Variants in DGKE observed in about 807,000 individuals in gnomAD.
The protein encoded by DGKE is diacylglycerol kinase epsilon, also known as DAG kinase epsilon.
Under a neutral mutation model 70.0 loss-of-function variants are expected in DGKE, and 53 were observed. The observed-to-expected ratio is 0.76, with a 90% CI of 0.61 to 0.95. DGKE has a LOEUF of 0.95. Ranked by LOEUF, DGKE falls within the 40% of genes least tolerant of loss-of-function variation. The probability of loss-of-function intolerance (pLI) is 0.00; values close to 1 mark genes in which losing one functional copy is unlikely to be tolerated. For synonymous variants in DGKE, 291 were observed against 257.0 expected, an observed-to-expected ratio of 1.13 and a Z score of -1.27; for missense variants, 655 against 706.9, an observed-to-expected ratio of 0.93 and a Z score of 0.83.
In DGKE at chr17:56,835,189, G is replaced by A. The variant is rs1270507707; in HGVS notation, c.394G>A (p.Val132Met). 5 of 1,613,882 alleles carry A rather than the reference G, an allele frequency of 3.1e-6. No individual in the cohort carries two copies. In the East Asian group the frequency reaches 8.9e-5, roughly 29 times the overall value. ...GCCCCACCACTGGATCCGGGGCAAC[G>A]TGCCCCTGTGCAGTTACTGTATGGT... ...AMPHHWIRGNVPLCSYCMVCK... is the reference protein window; with the variant it reads ...AMPHHWIRGNMPLCSYCMVCK... Residue 132 changes from valine (V) to methionine (M), a missense_variant, in exon 2 of 12, where the codon GTG becomes ATG. Transcript: ENST00000284061.
intron 3 of DGKE, 71 bp from the exon 4 acceptor site, chr17:56,845,619 C>A: frequency 2.7e-6 from 4 of 1,481,270 alleles, no homozygotes; most frequent in South Asian, 1.4e-5. Flanking sequence ...CACCATTGTT[C>A]TCAAGGCATG....
At chr17:56,835,282 C>G (rs371972116) in intron 2 of DGKE, 23 bp downstream of exon 2, 101 of 1,588,056 alleles carry the variant, frequency 6.4e-5, no homozygotes, top group Non-Finnish European at 2.4e-5. Context: ...TGGACACTCA[C>G]TGTCCCAGAA....
chr17:56,854,560 G>A (rs1426775525), intron 7 of DGKE, among the ~76,000 whole-genome samples: 1 of 151,910 alleles, frequency 6.6e-6, no homozygotes, highest in Non-Finnish European at 1.5e-5. Flanking sequence ...AGCAGTCCAC[G>A]CCCCTCAGCC....
chr17:56,862,328 T>TAA, intron 11 of DGKE, 77 bp downstream of exon 11: 2 of 1,355,728 alleles, frequency 1.5e-6, no homozygotes, highest in Non-Finnish European at 1.0e-6. Context: ...ATATACATGC[T>TAA]ATACTTTTCT....
Position 56,862,664 on chromosome 17 carries a change from C to T in DGKE, c.1577C>T (p.Ala526Val). 2 of 1,596,342 alleles carry T rather than the reference C, an allele frequency of 1.3e-6. No individual in the cohort carries two copies. Among genetic ancestry groups the T allele is most frequent in the Non-Finnish European group, 1.7e-6 (2 of 1,174,888 alleles). The change falls in exon 12 of 12, where the codon GCC becomes GTC. Residue 526 changes from alanine (A) to valine (V), a missense_variant. Transcript: ENST00000284061. ...ATGCAGGTGGATGGGGAGCCTTGGG[C>T]CCAAGGGCCCTGCACTGTCACCATA... ...MPMQVDGEPW[A>V]QGPCTVTITH...
rs185732997 is a variant in DGKE at position 56,842,547 on chromosome 17, A to G, written c.465-1472A>G. On this transcript the variant is annotated intron_variant, in intron 2 of 11. Coordinates refer to ENST00000284061, the MANE Select transcript of DGKE (RefSeq NM_003647.3). ...TATAGTTTCTCAAGTTGAGTTTAAA[A>G]TTAACAAATGTGATTATGCAAATTA... Among the ~76,000 whole-genome samples the G allele has an allele frequency of 3.9e-5, 6 of 152,356 alleles. No homozygotes were observed. The East Asian group carries it at 9.6e-4, about 24-fold the overall frequency.
At chr17:56,850,915 C>T (rs4794671) in intron 7 of DGKE, among the ~76,000 whole-genome samples, 107,920 of 151,988 alleles carry the variant, frequency 0.71, 38,714 homozygotes, top group East Asian at 0.91. Flanking sequence ...TGCAGGTGTG[C>T]TTAGTTCTGC....
chr17:56,848,891 T>G (rs569749387), intron 6 of DGKE, 38 bp downstream of exon 6: 2 of 1,613,072 alleles, frequency 1.2e-6, no homozygotes, highest in East Asian at 4.5e-5. Flanking sequence ...TTTCTTGAGA[T>G]TTAGCCATAA....
At position 56,863,599 on chromosome 17, in the gene DGKE, C is replaced by CA. The variant is rs1403565230; in HGVS notation, c.*814dup. 2.0e-5 allele frequency: 3 copies of CA among 152,090 alleles called. No individual in the cohort carries two copies. Among genetic ancestry groups the CA allele is most frequent in the Admixed American group, 1.3e-4 (2 of 15,276 alleles). 9.4% of individuals were successfully genotyped at this position (152,090 alleles called of 1,614,324 possible). A position where few individuals can be genotyped will look rare whatever the true frequency, so the allele number is the denominator to read the frequency against. The stretch of plus-strand genomic sequence containing the variant: ...TTATTAAAAGACAGTGTCAACACTT[C>CA]AAAAAACGTGCTTAAAGGAGACAAC... On this transcript the variant is annotated 3_prime_UTR_variant, in exon 12 of 12. Coordinates refer to ENST00000284061, the MANE Select transcript of DGKE (RefSeq NM_003647.3).
At chr17:56,858,886 AAAG>A (rs1338655053) in intron 9 of DGKE, among the ~76,000 whole-genome samples, 1 of 152,238 alleles carries the variant, frequency 6.6e-6, no homozygotes, top group Non-Finnish European at 1.5e-5. Flanking sequence ...ATTATGCAGA[AAAG>A]AAAACTATTT....
chr17:56,858,216 C>T (rs1289781673), intron 8 of DGKE, among the ~76,000 whole-genome samples: 2 of 152,166 alleles, frequency 1.3e-5, no homozygotes, highest in Non-Finnish European at 2.9e-5. Context: ...TACTGTACCA[C>T]AGTTCACCTA....
intron 9 of DGKE, among the ~76,000 whole-genome samples, chr17:56,859,039 A>G (rs528635816): frequency 2.9e-4 from 44 of 152,278 alleles, no homozygotes; most frequent in African/African-American, 1.1e-3. Flanking sequence ...TAAATAATTT[A>G]CAGTTATCTA....
chr17:56,838,259 T>C (rs974733176), intron 2 of DGKE, among the ~76,000 whole-genome samples: 3 of 152,230 alleles, frequency 2.0e-5, no homozygotes, highest in African/African-American at 7.2e-5. Context: ...TCAGCTTTGA[T>C]CATAAATTTT....
At chr17:56,847,158 G>C (rs1030973032) in intron 4 of DGKE, among the ~76,000 whole-genome samples, 1 of 151,792 alleles carries the variant, frequency 6.6e-6, no homozygotes, top group African/African-American at 2.4e-5. Context: ...AAAGTTACTT[G>C]CATTTTTATG....
In DGKE at chr17:56,835,396, C is replaced by T. The variant is rs370071276; in HGVS notation, c.464+137C>T. The stretch of plus-strand genomic sequence containing the variant: ...AGGAAACAAGCTAATAAATAAACAT[C>T]CCTGAGTTTGTGCAAGCGTGGCAGC... On this transcript the variant is annotated intron_variant, in intron 2 of 11. Transcript: ENST00000284061. The T allele has an allele frequency of 1.6e-4, 149 of 937,498 alleles. No individual in the cohort carries two copies. In the African/African-American group the frequency reaches 2.2e-3, roughly 14 times the overall value. The allele number at this position is 937,498 out of a possible 1,614,324, so 58.1% of individuals were successfully genotyped here.
chr17:56,845,831 T>C (rs141790820), intron 4 of DGKE, 22 bp downstream of exon 4: 14 of 1,568,722 alleles, frequency 8.9e-6, no homozygotes, highest in African/African-American at 2.8e-5. Context: ...AAAAAACTTT[T>C]TATATTAATG....
At position 56,866,558 on chromosome 17, in the gene DGKE, G is replaced by A. The variant is rs1908532615; in HGVS notation, c.*3767G>A. 6.6e-6 allele frequency: 1 copy of A among 152,178 alleles called. No individual in the cohort carries two copies. The highest frequency in any genetic ancestry group is 2.4e-5 in the African/African-American group (1 of 41,438). The allele number at this position is 152,178 out of a possible 1,614,324, so 9.4% of individuals were successfully genotyped here. On this transcript the variant is annotated 3_prime_UTR_variant, in exon 12 of 12. Transcript: ENST00000284061. ...AAAGAACTCTATGAAAAACTTATTTGTATCATACCCAAATTGATATATTTG... is the reference window on the plus strand; with the variant it reads ...AAAGAACTCTATGAAAAACTTATTTATATCATACCCAAATTGATATATTTG...
intron 2 of DGKE, among the ~76,000 whole-genome samples, chr17:56,840,290 T>C (rs1280043896): frequency 6.6e-6 from 1 of 152,198 alleles, no homozygotes; most frequent in Non-Finnish European, 1.5e-5. Context: ...GGACAAGTGC[T>C]CTTGGGGGAG....
At chr17:56,844,675 A>G (rs902363904) in intron 3 of DGKE, among the ~76,000 whole-genome samples, 36 of 152,220 alleles carry the variant, frequency 2.4e-4, no homozygotes, top group African/African-American at 8.2e-4. Flanking sequence ...CTATTTTTCT[A>G]TTTTGAACTT....
Sources: gnomAD v4.1 joint callset for allele counts (sites outside exome capture counted in the v4.1 genomes callset) on GRCh38, gnomAD v4.1.1 for gene constraint, MANE v1.5 for transcripts, NCBI Gene and HGNC (gene_info 2026-07-23, HGNC 2026-07-21) for gene names.